The following KLHDC4 variants were observed in gnomAD, a reference collection of about 807,000 sequenced individuals.
KLHDC4 encodes the protein kelch domain containing 4.
A neutral mutation model predicts 62.4 loss-of-function variants in KLHDC4; 90 were observed. The observed-to-expected ratio is 1.44, with a 90% confidence interval of 1.22 to 1.72. KLHDC4 has a LOEUF of 1.72. Among genes scored for constraint, KLHDC4 ranks in the 40% most tolerant of loss-of-function variants. KLHDC4 has a pLI of 0.00. For synonymous variants in KLHDC4, 386 were observed against 284.4 expected, an observed-to-expected ratio of 1.36 and a Z score of -3.59; for missense variants, 1,025 against 699.7, an observed-to-expected ratio of 1.47 and a Z score of -5.25.
intron 5 of KLHDC4, among the ~76,000 whole-genome samples, chr16:87,743,634 G>A (rs1309992446): frequency 2.3e-4 from 35 of 151,840 alleles, no homozygotes; most frequent in Non-Finnish European, 4.4e-4. Flanking sequence ...CAGCTACTCG[G>A]GAGGCTGAGG....
rs1315669615 is a variant in KLHDC4, at chr16:87,755,280, T to G, written c.283A>C (p.Asn95His). Residue 95 changes from asparagine (N) to histidine (H), a missense_variant, in exon 4 of 12, where the codon AAC (asparagine) becomes CAC (histidine). Transcript: ENST00000270583. ...CTGGTATTGTAGACATAGAGCTCGT[T>G]ATACAAAAAAGTCTACAGGAAGGAA... ...YFNGQKTFLYNELYVYNTRKD... is the reference protein window; with the variant it reads ...YFNGQKTFLYHELYVYNTRKD... 5 of 1,596,704 alleles carry G rather than the reference T, an allele frequency of 3.1e-6. No homozygotes were observed. Among genetic ancestry groups the G allele is most frequent in the Non-Finnish European group, 4.3e-6 (5 of 1,164,858 alleles).
At chr16:87,711,949 C>G (rs2035955612) in intron 8 of KLHDC4, among the ~76,000 whole-genome samples, 1 of 149,662 alleles carries the variant, frequency 6.7e-6, no homozygotes, top group East Asian at 2.0e-4. Context: ...CACGGGGACC[C>G]TCCGCCCTGC....
Position 87,765,802 on chromosome 16 carries a change from C to T in KLHDC4, c.89G>A (p.Arg30Gln), listed in dbSNP as rs377304548. 1.3e-6 allele frequency: 2 copies of T among 1,570,862 alleles called. No individual in the cohort carries two copies. Among genetic ancestry groups the T allele is most frequent in the African/African-American group, 1.3e-5 (1 of 74,256 alleles). ...GTCTGACCCGCTCACCTCCTCCTTCCGCGAGCGCTTAGACACCTTCTTCTC... is the reference window on the plus strand; with the variant it reads ...GTCTGACCCGCTCACCTCCTCCTTCTGCGAGCGCTTAGACACCTTCTTCTC... ...KMEKKVSKRS[R>Q]KEEEDLEALI... Residue 30 changes from arginine (R) to glutamine (Q), a missense_variant, in exon 1 of 12, where the codon CGG becomes CAG. By Grantham distance (43) the Arg-to-Gln change is conservative. Transcript: ENST00000270583.
intron 6 of KLHDC4, 97 bp from the exon 7 acceptor site, chr16:87,727,021 T>G (rs2039486964): frequency 7.4e-7 from 1 of 1,346,272 alleles, no homozygotes; most frequent in African/African-American, 1.5e-5. Flanking sequence ...AATTTCCTAC[T>G]GTTTGGGGAA....
At position 87,765,883 on chromosome 16, in the gene KLHDC4, T is replaced by G; in HGVS notation, c.8A>C (p.Lys3Thr). The change falls in exon 1 of 12, where the codon AAG becomes ACG. Residue 3 changes from lysine to threonine, a missense_variant. By Grantham distance (78) the Lys-to-Thr change is moderately conservative (BLOSUM62 -1). Transcript: ENST00000270583. Reference protein sequence around the residue: MGKKGKKEKKGRG... With the variant: MGTKGKKEKKGRG... ...GCCCTTCTTCTCCTTCTTGCCCTTC[T>G]TGCCCATCTTGCCGGGTCCCAAGCC... 1.3e-6 allele frequency: 2 copies of G among 1,551,318 alleles called. No homozygotes were observed. The highest frequency in any genetic ancestry group is 1.7e-6 in the Non-Finnish European group (2 of 1,146,920).
chr16:87,732,141 G>A (rs897863609), intron 5 of KLHDC4, among the ~76,000 whole-genome samples: 10 of 150,198 alleles, frequency 6.7e-5, no homozygotes, highest in African/African-American at 2.5e-4. Context: ...TCTTGCCCAG[G>A]CCGGAGTGCA....
intron 5 of KLHDC4, among the ~76,000 whole-genome samples, chr16:87,742,550 C>A (rs1483647961): frequency 6.6e-6 from 1 of 152,174 alleles, no homozygotes; most frequent in Admixed American, 6.5e-5. Context: ...CACAACTGGA[C>A]CCCGTCTATG....
downstream of KLHDC4, chr16:87,703,232 A>AGC (rs1334674481): frequency 6.6e-6 from 1 of 151,682 alleles, no homozygotes; most frequent in African/African-American, 2.4e-5. Context: ...TCCCCGGGTC[A>AGC]GCGCGCGTGC....
chr16:87,738,691 T>C (rs71392313), intron 5 of KLHDC4, among the ~76,000 whole-genome samples: 121 of 70,978 alleles, frequency 1.7e-3, no homozygotes, highest in Admixed American at 3.4e-3. Flanking sequence ...ACCTCATCCA[T>C]CCACACACCA....
chr16:87,737,256 A>G (rs920018384), intron 5 of KLHDC4, among the ~76,000 whole-genome samples: 1 of 152,060 alleles, frequency 6.6e-6, no homozygotes, highest in Non-Finnish European at 1.5e-5. Flanking sequence ...ACATGAAGTT[A>G]GAGGCCTCAG....
intron 4 of KLHDC4, 125 bp from the exon 5 acceptor site, chr16:87,748,934 A>C (rs1213985517): frequency 2.8e-6 from 3 of 1,067,588 alleles, no homozygotes; most frequent in Admixed American, 2.8e-5. Context: ...CCAGCCCCAC[A>C]CTCAGCCACT....
At chr16:87,755,470 G>T (rs992917748) in intron 3 of KLHDC4, 178 bp from the exon 4 acceptor site, 7 of 467,840 alleles carry the variant, frequency 1.5e-5, no homozygotes, top group Non-Finnish European at 2.8e-5. Flanking sequence ...ACGACACAAT[G>T]AAAACGACCG....
At chr16:87,725,344 T>G (rs946477923) in intron 7 of KLHDC4, among the ~76,000 whole-genome samples, 1 of 152,124 alleles carries the variant, frequency 6.6e-6, no homozygotes, top group African/African-American at 2.4e-5. Flanking sequence ...TTTTTGTATT[T>G]TTAGTAGAGA....
chr16:87,725,665 C>A (rs571588401), intron 7 of KLHDC4, among the ~76,000 whole-genome samples: 1 of 152,300 alleles, frequency 6.6e-6, no homozygotes, highest in Admixed American at 6.5e-5. Context: ...AGTGAAGCAA[C>A]AGGAACACTT....
At chr16:87,728,830 T>G (rs578088945) in intron 6 of KLHDC4, among the ~76,000 whole-genome samples, 138 of 152,052 alleles carry the variant, frequency 9.1e-4, no homozygotes, top group African/African-American at 3.3e-3. Context: ...AATACAAAAA[T>G]TAGCTGGGCA....
chr16:87,744,449 G>A (rs182174851), intron 5 of KLHDC4, among the ~76,000 whole-genome samples: 10 of 151,770 alleles, frequency 6.6e-5, no homozygotes, highest in African/African-American at 2.2e-4. Context: ...CAGGCATGAT[G>A]GCAGACACCT....
intron 5 of KLHDC4, chr16:87,731,121 T>C (rs2040296280): frequency 7.6e-6 from 1 of 132,116 alleles, no homozygotes; most frequent in East Asian, 2.6e-4. Context: ...TGGAGTTCAG[T>C]GGCCAGATCT....
upstream of KLHDC4, among the ~76,000 whole-genome samples, chr16:87,702,751 A>C (rs769883454): frequency 2.6e-5 from 4 of 152,242 alleles, no homozygotes; most frequent in Non-Finnish European, 5.9e-5. Context: ...CTCGGACAGG[A>C]AACAGTGTTA....
At chr16:87,730,820 A>T in intron 5 of KLHDC4, 176 bp from the exon 6 acceptor site, 1 of 556,756 alleles carries the variant, frequency 1.8e-6, no homozygotes, top group East Asian at 3.3e-5. Flanking sequence ...CATCCTGCTA[A>T]GAGCCCAGCT....
Sources: allele counts gnomAD v4.1 joint callset (sites outside exome capture counted in the v4.1 genomes callset), GRCh38; gene constraint gnomAD v4.1.1; transcripts MANE v1.5; gene names NCBI Gene and HGNC (gene_info 2026-07-23, HGNC 2026-07-21).